ACSM3: variants seen among roughly 807,000 people sequenced by gnomAD.
The protein encoded by ACSM3 is acyl-coenzyme A synthetase ACSM3, mitochondrial.
A neutral mutation model predicts 74.1 loss-of-function variants in ACSM3; 61 were observed. That is an observed-to-expected ratio of 0.82 (90% CI 0.67 to 1.02). ACSM3 has a LOEUF of 1.02. Ranked by LOEUF, ACSM3 falls within the 50% of genes least tolerant of loss-of-function variation. The pLI is 0.00. For synonymous variants in ACSM3, 213 were observed against 241.5 expected, an observed-to-expected ratio of 0.88 and a Z score of 1.09; for missense variants, 660 against 697.0, an observed-to-expected ratio of 0.95 and a Z score of 0.60.
At position 20,796,953 on chromosome 16, in the gene ACSM3, A is replaced by C. The variant is rs150817107; in HGVS notation, c.1742A>C (p.Lys581Thr). 1.2e-6 allele frequency: 2 copies of C among 1,612,894 alleles called. No individual in the cohort carries two copies. Among genetic ancestry groups the C allele is most frequent in the South Asian group, 1.1e-5 (1 of 90,830 alleles). The change falls in exon 14 of 14, where the codon AAA becomes ACA. Residue 581 changes from lysine to threonine, a missense_variant. Physicochemically the swap from Lys to Thr is moderately conservative, Grantham distance 78. Transcript: ENST00000289416. ...GKTKRNELRKKEWKTI is the reference protein window; with the variant it reads ...GKTKRNELRKTEWKTI Reference sequence around the variant, plus strand: ...ACAAAAAGAAATGAACTGAGGAAGAAAGAATGGAAGACAATTTAAAGTTGT... The same window carrying C: ...ACAAAAAGAAATGAACTGAGGAAGACAGAATGGAAGACAATTTAAAGTTGT...
chr16:20,731,246 T>G (rs1031463248), intron 1 of ACSM3, among the ~76,000 whole-genome samples: 2 of 152,126 alleles, frequency 1.3e-5, no homozygotes, highest in Non-Finnish European at 2.9e-5. Context: ...CCACATATTC[T>G]CTGGGAGCTC....
chr16:20,741,480 G>T (rs201553668), intron 1 of ACSM3: 2 of 1,340,310 alleles, frequency 1.5e-6, no homozygotes, highest in Non-Finnish European at 1.9e-6. Flanking sequence ...CCTGGCAGCC[G>T]GCCCGCCCGC....
chr16:20,786,239 T>C (rs1335205107), intron 9 of ACSM3, 81 bp downstream of exon 9: 3 of 1,515,126 alleles, frequency 2.0e-6, no homozygotes, highest in Non-Finnish European at 2.7e-6. Flanking sequence ...CATATAAACT[T>C]TCTTTGTTAT....
At chr16:20,741,710 C>G in intron 1 of ACSM3, 2 of 1,577,068 alleles carry the variant, frequency 1.3e-6, no homozygotes, top group Non-Finnish European at 1.7e-6. Flanking sequence ...CGCCGCCAGG[C>G]TGAGTAGTCT....
intron 1 of ACSM3, chr16:20,736,433 T>G (rs965607364): frequency 2.0e-5 from 3 of 149,254 alleles, no homozygotes; most frequent in African/African-American, 7.5e-5. Context: ...GTACAAAAAC[T>G]TCACTAAACA....
chr16:20,767,938 T>C (rs191625919), intron 1 of ACSM3, among the ~76,000 whole-genome samples: 27 of 152,354 alleles, frequency 1.8e-4, no homozygotes, highest in Admixed American at 1.5e-3. Context: ...GTCAGTACCA[T>C]AAATAAGGTT....
At chr16:20,731,668 C>A in intron 1 of ACSM3, 1 of 405,390 alleles carries the variant, frequency 2.5e-6, no homozygotes, top group South Asian at 4.6e-5. Flanking sequence ...GTCCTACAGC[C>A]TAGAGAAATT....
At chr16:20,772,605 C>T (rs1221020225) in intron 2 of ACSM3, among the ~76,000 whole-genome samples, 31 of 152,090 alleles carry the variant, frequency 2.0e-4, no homozygotes, top group Non-Finnish European at 4.4e-5. Flanking sequence ...GGACCATGTA[C>T]TGAAGAGGAT....
rs1269957284 is a variant in ACSM3 at position 20,781,275 on chromosome 16, A to T, written c.939+145A>T. 19 of 1,036,418 alleles carry T rather than the reference A, an allele frequency of 1.8e-5. No homozygotes were observed. In the Admixed American group the frequency reaches 4.9e-4, roughly 27 times the overall value. The allele number at this position is 1,036,418 out of a possible 1,614,324, so 64.2% of individuals were successfully genotyped here. A position where few individuals can be genotyped will look rare whatever the true frequency, so the allele number is the denominator to read the frequency against. On this transcript the variant is annotated intron_variant, in intron 6 of 13. Coordinates refer to ENST00000289416, the MANE Select transcript of ACSM3 (RefSeq NM_005622.4). Reference sequence around the variant, plus strand: ...CATCCAGAAAGTCAATAAGCCTGAAAAGATACACTCGGCCCCCTCTGTATC... The same window carrying T: ...CATCCAGAAAGTCAATAAGCCTGAATAGATACACTCGGCCCCCTCTGTATC...
chr16:20,741,481 G>GGGGGGGGGGGGGGGCCCCCCCCCCCCC, intron 1 of ACSM3: 1 of 1,308,412 alleles, frequency 7.6e-7, no homozygotes, highest in Non-Finnish European at 9.9e-7. Flanking sequence ...CTGGCAGCCG[G>GGGGGGGGGGGGGGGCCCCCCCCCCCCC]CCCGCCCGCC....
rs1179136343 is a variant in ACSM3 at position 20,723,579 on chromosome 16, A to T, written c.-189-26331A>T. ...TGACTTTTTAATGATTGCCATTCTA[A>T]CTGGTGTGAGATGGTATCTCATTGT... is the stretch of plus-strand genomic sequence containing the variant. On this transcript the variant is annotated intron_variant, in intron 1 of 3. Coordinates refer to the ACSM3 transcript ENST00000561584. Among the ~76,000 whole-genome samples the T allele has an allele frequency of 3.9e-5, 6 of 152,144 alleles. No individual in the cohort carries two copies. In the South Asian group the frequency reaches 1.2e-3, roughly 32 times the overall value.
intron 1 of ACSM3, among the ~76,000 whole-genome samples, chr16:20,729,710 C>T (rs28643437): frequency 0.048 from 7,296 of 151,742 alleles, 591 homozygotes; most frequent in African/African-American, 0.17. Flanking sequence ...TACAATAAGT[C>T]GTGTCCCAAA....
At chr16:20,683,273 A>G (rs990315269) in intron 1 of ACSM3, among the ~76,000 whole-genome samples, 2 of 152,068 alleles carry the variant, frequency 1.3e-5, no homozygotes, top group African/African-American at 4.8e-5. Context: ...GTCCACCACC[A>G]TGCCCAGCTA....
In ACSM3 at chr16:20,697,404, G is replaced by T. The variant is rs537166207; in HGVS notation, c.-190+22582G>T. ...AGTCCCCATTTACATGCCAGCCACTGTGCTAAACATATTACATGTACGTTC... is the reference window on the plus strand; with the variant it reads ...AGTCCCCATTTACATGCCAGCCACTTTGCTAAACATATTACATGTACGTTC... On this transcript the variant is annotated intron_variant, in intron 1 of 3. Transcript: ENST00000561584. 2.0e-5 allele frequency among the ~76,000 whole-genome samples: 3 copies of T among 152,232 alleles called. No individual in the cohort carries two copies. In the South Asian group the frequency reaches 6.2e-4, roughly 32 times the overall value.
At chr16:20,707,350 C>G (rs1182620283) in intron 1 of ACSM3, among the ~76,000 whole-genome samples, 1 of 152,206 alleles carries the variant, frequency 6.6e-6, no homozygotes, top group African/African-American at 2.4e-5. Flanking sequence ...AGCCCTGCAA[C>G]TTGGTTTCCG....
chr16:20,796,291 C>G, intron 12 of ACSM3, 79 bp from the exon 13 acceptor site: 6 of 1,554,694 alleles, frequency 3.9e-6, no homozygotes, highest in Non-Finnish European at 5.2e-6. Context: ...CATGTAGATT[C>G]TCAGAGCAAG....
chr16:20,790,826 A>G lies in ACSM3; in HGVS notation c.1326+138A>G, dbSNP rs765652600. On this transcript the variant is annotated intron_variant, in intron 10 of 13. Coordinates refer to ENST00000289416, the MANE Select transcript of ACSM3 (RefSeq NM_005622.4). This position sits in a 1 kb window ranked among gnomAD's most constrained non-coding sequence, Gnocchi z 4.0. Reference sequence around the variant, plus strand: ...ATTGGTTGTCCTGAATAGTAATCCAAAAGACAAGAAATTGAAGAAATACCC... The same window carrying G: ...ATTGGTTGTCCTGAATAGTAATCCAGAAGACAAGAAATTGAAGAAATACCC... The G allele has an allele frequency of 6.2e-7, 1 of 1,613,986 alleles. No individual in the cohort carries two copies. The highest frequency in any genetic ancestry group is 1.7e-5 in the Admixed American group (1 of 59,984).
At chr16:20,781,949 G>A (rs2080362177) in intron 7 of ACSM3, among the ~76,000 whole-genome samples, 162 bp downstream of exon 7, 1 of 152,152 alleles carries the variant, frequency 6.6e-6, no homozygotes, top group African/African-American at 2.4e-5. Flanking sequence ...TTCTGTAAAT[G>A]ATAATTACTG....
At chr16:20,732,371 CTAAAT>C (rs780604011) in intron 1 of ACSM3, among the ~76,000 whole-genome samples, 4 of 152,228 alleles carry the variant, frequency 2.6e-5, no homozygotes, top group Middle Eastern at 3.4e-3. Flanking sequence ...ATTACATTCA[CTAAAT>C]TAATGAACTT....
Sources: allele counts gnomAD v4.1 joint callset (sites outside exome capture counted in the v4.1 genomes callset), GRCh38; gene constraint gnomAD v4.1.1; non-coding constraint Gnocchi (gnomAD v3.1); transcripts MANE v1.5; gene names NCBI Gene and HGNC (gene_info 2026-07-23, HGNC 2026-07-21).